Variants in DDX1 observed in about 807,000 individuals in gnomAD.
The protein encoded by DDX1 is ATP-dependent RNA helicase DDX1.
A neutral mutation model predicts 108.7 loss-of-function variants in DDX1; 28 were observed. The ratio of observed to expected loss-of-function variants is 0.26; its 90% CI spans 0.19 to 0.35. The LOEUF (loss-of-function observed/expected upper bound fraction) is 0.35. DDX1 is among the 10% of genes least tolerant of loss of function. DDX1 has a pLI of 1.00. For synonymous variants in DDX1, 295 were observed against 288.9 expected, an observed-to-expected ratio of 1.02 and a Z score of -0.21; for missense variants, 710 against 884.5, an observed-to-expected ratio of 0.80 and a Z score of 2.50.
chr2:15,614,048 T>G (rs1300397851), intron 14 of DDX1, among the ~76,000 whole-genome samples: 1 of 152,136 alleles, frequency 6.6e-6, no homozygotes, highest in Non-Finnish European at 1.5e-5. Context: ...CTTGAACTCC[T>G]GACCTCAGGT....
intron 18 of DDX1, 99 bp downstream of exon 18, chr2:15,621,215 C>A: frequency 2.5e-6 from 2 of 810,800 alleles, no homozygotes; most frequent in South Asian, 1.7e-5. Flanking sequence ...AAAATTAAAA[C>A]AGGAAATTTG....
chr2:15,629,152 T>C (rs1416055406), intron 23 of DDX1, among the ~76,000 whole-genome samples: 2 of 152,188 alleles, frequency 1.3e-5, no homozygotes, highest in Non-Finnish European at 2.9e-5. Flanking sequence ...TATTTTGATA[T>C]AATTACAAAT....
chr2:15,626,942 A>G (rs1666107624), intron 19 of DDX1, 112 bp from the exon 20 acceptor site: 1 of 615,586 alleles, frequency 1.6e-6, no homozygotes, highest in Non-Finnish European at 2.8e-6. Flanking sequence ...GTTGGGGCAT[A>G]GATTTTTATG....
chr2:15,599,604 C>T (rs1369938585), intron 5 of DDX1, 65 bp from the exon 6 acceptor site: 8 of 1,299,534 alleles, frequency 6.2e-6, no homozygotes, highest in Non-Finnish European at 8.7e-6. Flanking sequence ...TGAGTCACCG[C>T]ACCCGGCCAA....
chr2:15,614,557 G>A (rs924501248), intron 14 of DDX1, among the ~76,000 whole-genome samples: 5 of 152,128 alleles, frequency 3.3e-5, no homozygotes, highest in African/African-American at 1.2e-4. Context: ...AGATCGCGAG[G>A]GCTTTGTCCT....
intron 18 of DDX1, among the ~76,000 whole-genome samples, chr2:15,622,353 T>C (rs1385007607): frequency 6.6e-6 from 1 of 152,208 alleles, no homozygotes; most frequent in Non-Finnish European, 1.5e-5. Context: ...AAATTCCGCC[T>C]CAATGAAGAT....
Position 15,592,250 on chromosome 2 carries a change from G to C in DDX1, c.16+301G>C, listed in dbSNP as rs1665426337. On this transcript the variant is annotated intron_variant, in intron 1 of 25. Transcript: ENST00000233084. ...TCGGCTGCAAAATCTAGGCGGCGGC[G>C]TTGCTCTGGCGGCTCCCAGACGCCT... Among the ~76,000 whole-genome samples, 4 of 152,356 alleles carry C rather than the reference G, an allele frequency of 2.6e-5. No homozygotes were observed. The South Asian group carries it at 8.3e-4, about 32-fold the overall frequency.
In DDX1 at chr2:15,618,240, T is replaced by G; in HGVS notation, c.1176T>G (p.Pro392=). ...TAAATAGGATGCACAATCAGATTCC[T>G]CAGGTTACCTCTGATGGAAAAAGAC... is the stretch of plus-strand genomic sequence containing the variant. The part of the protein sequence containing the change: ...DFINRMHNQI[P]QVTSDGKRLQ... Residue 392 remains proline (P), a synonymous_variant, in exon 16 of 26, where the codon CCT becomes CCG. Coordinates refer to ENST00000233084, the MANE Select transcript of DDX1 (RefSeq NM_004939.3). 1 of 1,587,680 alleles carries G rather than the reference T, an allele frequency of 6.3e-7. No individual in the cohort carries two copies. Among genetic ancestry groups the G allele is most frequent in the Non-Finnish European group, 8.6e-7 (1 of 1,160,314 alleles).
intron 23 of DDX1, among the ~76,000 whole-genome samples, chr2:15,629,352 G>T (rs1461313303): frequency 6.6e-6 from 1 of 151,988 alleles, no homozygotes; most frequent in African/African-American, 2.4e-5. Context: ...ACTTTTATCT[G>T]AGAATTCCTT....
chr2:15,604,462 G>T lies in DDX1; in HGVS notation c.578G>T (p.Gly193Val). The stretch of plus-strand genomic sequence containing the variant: ...GAATTCACTATGCATGATACCATTG[G>T]ATGTTACCTGGATATAGATAAGGGA... ...GEEFTMHDTI[G>V]CYLDIDKGHV... The change falls in exon 10 of 26, where the codon GGA (glycine) becomes GTA (valine). Residue 193 changes from glycine (G) to valine (V), a missense_variant. Transcript: ENST00000233084. 1 of 1,611,030 alleles carries T rather than the reference G, an allele frequency of 6.2e-7. No homozygotes were observed. The highest frequency in any genetic ancestry group is 1.3e-5 in the African/African-American group (1 of 74,964).
intron 13 of DDX1, among the ~76,000 whole-genome samples, chr2:15,611,191 A>T (rs1217066831): frequency 1.3e-4 from 19 of 149,682 alleles, no homozygotes; most frequent in Admixed American, 6.7e-4. Context: ...CAGAGAGCAC[A>T]GGGTTGGGGG....
intron 13 of DDX1, 41 bp from the exon 14 acceptor site, chr2:15,613,183 A>ATTTT: frequency 1.5e-5 from 16 of 1,100,398 alleles, no homozygotes; most frequent in Non-Finnish European, 1.8e-5. Context: ...GCAGACTTTA[A>ATTTT]TTTTTTTTTT....
intron 16 of DDX1, among the ~76,000 whole-genome samples, chr2:15,619,017 C>T (rs1019780770): frequency 6.6e-6 from 1 of 152,148 alleles, no homozygotes; most frequent in African/African-American, 2.4e-5. Context: ...CCTTTTAGGG[C>T]CCCCCGAGTG....
chr2:15,605,535 C>A (rs1665648357), intron 10 of DDX1, among the ~76,000 whole-genome samples: 1 of 151,904 alleles, frequency 6.6e-6, no homozygotes, highest in South Asian at 2.1e-4. Context: ...GGGTGGGGAG[C>A]CTCCTAATAA....
At chr2:15,619,504 C>T (rs1451172695) in intron 16 of DDX1, among the ~76,000 whole-genome samples, 3 of 152,248 alleles carry the variant, frequency 2.0e-5, no homozygotes, top group Non-Finnish European at 2.9e-5. Flanking sequence ...CTCCCCGCTG[C>T]AGCCAGCTTG....
At chr2:15,611,953 C>T (rs1665773756) in intron 13 of DDX1, among the ~76,000 whole-genome samples, 1 of 126,468 alleles carries the variant, frequency 7.9e-6, no homozygotes, top group Admixed American at 7.4e-5. Context: ...GGCGGCTGGC[C>T]GGGCGGGGGG....
chr2:15,592,051 A>C, intron 1 of DDX1, 102 bp downstream of exon 1: 1 of 1,128,122 alleles, frequency 8.9e-7, no homozygotes, highest in East Asian at 3.2e-5. Context: ...GACAGGGGTC[A>C]GGGAGACAGA....
chr2:15,608,685 T>TA lies in DDX1; in HGVS notation c.956+1373dup, dbSNP rs1553341675. Among the ~76,000 whole-genome samples, 153 of 147,636 alleles carry TA rather than the reference T, an allele frequency of 1.0e-3. 1 individual carries two copies. Among genetic ancestry groups the TA allele is most frequent in the African/African-American group, 3.2e-3 (127 of 39,206 alleles). ...TAGGTTTTTTTTTTTTTTTTTTTTT[T>TA]ATGAAGTCTCGCTATGTTGCCCAGG... On this transcript the variant is annotated intron_variant, in intron 13 of 25. Coordinates refer to ENST00000233084, the MANE Select transcript of DDX1 (RefSeq NM_004939.3).
At chr2:15,625,392 C>A (rs1470735889) in intron 19 of DDX1, among the ~76,000 whole-genome samples, 1 of 152,074 alleles carries the variant, frequency 6.6e-6, no homozygotes, top group East Asian at 1.9e-4. Flanking sequence ...ACTTTCTCAG[C>A]AAATCTACTT....
Sources: gnomAD v4.1 joint callset for allele counts (sites outside exome capture counted in the v4.1 genomes callset) on GRCh38, gnomAD v4.1.1 for gene constraint, MANE v1.5 for transcripts, NCBI Gene and HGNC (gene_info 2026-07-23, HGNC 2026-07-21) for gene names.